Variants in BIRC3 observed in about 807,000 individuals in gnomAD.
BIRC3 encodes baculoviral IAP repeat containing 3, also known as baculoviral IAP repeat-containing protein 3.
A neutral mutation model predicts 59.0 loss-of-function variants in BIRC3; 26 were observed. The observed-to-expected ratio is 0.44, with a 90% CI of 0.32 to 0.61. BIRC3 has a LOEUF of 0.61. Ranked by LOEUF, BIRC3 falls within the 20% of genes least tolerant of loss-of-function variation. The probability of loss-of-function intolerance (pLI) is 0.04; values close to 1 mark genes in which losing one functional copy is unlikely to be tolerated. For synonymous variants in BIRC3, 243 were observed against 249.2 expected, an observed-to-expected ratio of 0.98 and a Z score of 0.24; for missense variants, 641 against 711.5, an observed-to-expected ratio of 0.90 and a Z score of 1.13.
chr11:102,328,011 G>A lies in BIRC3; in HGVS notation c.954-41G>A, dbSNP rs372819301. On this transcript the variant is annotated intron_variant, in intron 3 of 8. Transcript: ENST00000263464. Reference sequence around the variant, plus strand: ...ATGTTATTACATTTTCATTTCACTTGTATAAATAATCCCTCAAATTTTATT... The same window carrying A: ...ATGTTATTACATTTTCATTTCACTTATATAAATAATCCCTCAAATTTTATT... The A allele has an allele frequency of 6.1e-6, 9 of 1,467,352 alleles. No homozygotes were observed. The South Asian group carries it at 8.3e-5, about 14-fold the overall frequency. 90.9% of individuals were successfully genotyped at this position (1,467,352 alleles called of 1,614,324 possible).
chr11:102,331,182 A>G lies in BIRC3; in HGVS notation c.1265A>G (p.Asn422Ser), dbSNP rs369562282. Reference sequence around the variant, plus strand: ...AATGATCTTGTGTTAGACTTACTCAATGCAGAAGATGAAATAAGGGAAGAG... The same window carrying G: ...AATGATCTTGTGTTAGACTTACTCAGTGCAGAAGATGAAATAAGGGAAGAG... ...LVNDLVLDLL[N>S]AEDEIREEER... The change falls in exon 6 of 9, where the codon AAT becomes AGT. Residue 422 changes from asparagine (N) to serine (S), a missense_variant. Physicochemically the swap from Asn to Ser is conservative, Grantham distance 46 (BLOSUM62 1). This residue lies in a region of BIRC3 where 268 missense variants were observed against 255.7 expected (regional missense o/e 1.05). Coordinates refer to ENST00000263464, the MANE Select transcript of BIRC3 (RefSeq NM_001165.5). The G allele has an allele frequency of 1.4e-5, 22 of 1,613,546 alleles. No homozygotes were observed. In the African/African-American group the frequency reaches 2.9e-4, roughly 22 times the overall value.
intron 1 of BIRC3, among the ~76,000 whole-genome samples, chr11:102,319,438 G>C (rs1951009209): frequency 6.6e-6 from 1 of 152,162 alleles, no homozygotes; most frequent in South Asian, 2.1e-4. Context: ...AGAGTGACAG[G>C]AATGAGAGTT....
At chr11:102,327,329 C>A (rs534093451) in intron 3 of BIRC3, among the ~76,000 whole-genome samples, 12 of 152,050 alleles carry the variant, frequency 7.9e-5, no homozygotes, top group African/African-American at 1.4e-4. Flanking sequence ...TTAAGATAAA[C>A]CTTTAGAACT....
chr11:102,325,588 T>C, intron 3 of BIRC3, 23 bp downstream of exon 3: 1 of 1,601,936 alleles, frequency 6.2e-7, no homozygotes, highest in Admixed American at 1.7e-5. Flanking sequence ...AAATTCTCTT[T>C]GCAAATTCTT....
intron 4 of BIRC3, 41 bp downstream of exon 4, chr11:102,328,171 G>T: frequency 6.7e-7 from 1 of 1,488,914 alleles, no homozygotes; most frequent in Non-Finnish European, 9.3e-7. Flanking sequence ...TGCCATCAGA[G>T]AAATTGCTTT....
chr11:102,335,849 C>A, intron 6 of BIRC3, 117 bp from the exon 7 acceptor site: 2 of 1,051,702 alleles, frequency 1.9e-6, no homozygotes, highest in Non-Finnish European at 2.7e-6. Context: ...CAATCAACAT[C>A]AATGCCTTAC....
chr11:102,337,407 C>A lies in BIRC3; in HGVS notation c.*305C>A. ...GTAAAACTTAAGATATTTGAGTTAA[C>A]CTTTAAGAATTTTAAATATTTTGGC... On this transcript the variant is annotated 3_prime_UTR_variant, in exon 9 of 9. Coordinates refer to ENST00000263464, the MANE Select transcript of BIRC3 (RefSeq NM_001165.5). 2.5e-6 allele frequency: 1 copy of A among 403,688 alleles called. No individual in the cohort carries two copies. The highest frequency in any genetic ancestry group is 4.3e-6 in the Non-Finnish European group (1 of 230,134). 25.0% of individuals were successfully genotyped at this position (403,688 alleles called of 1,614,324 possible).
intron 1 of BIRC3, among the ~76,000 whole-genome samples, chr11:102,318,088 C>A (rs1950990691): frequency 6.6e-6 from 1 of 152,234 alleles, no homozygotes; most frequent in African/African-American, 2.4e-5. Context: ...GTACCTGATG[C>A]TAACGTAACA....
At position 102,325,556 on chromosome 11, in the gene BIRC3, G is replaced by T. The variant is rs1416796624; in HGVS notation, c.944G>T (p.Trp315Leu). 6.2e-7 allele frequency: 1 copy of T among 1,610,622 alleles called. No homozygotes were observed. The highest frequency in any genetic ancestry group is 8.5e-7 in the Non-Finnish European group (1 of 1,178,384). ...GDDPWVQHAKWFPRCEYLIRI... is the reference protein window; with the variant it reads ...GDDPWVQHAKLFPRCEYLIRI... Reference sequence around the variant, plus strand: ...GATCCATGGGTTCAACATGCCAAGTGGTTTCCAAGGTAATTGTTTTGAAAT... The same window carrying T: ...GATCCATGGGTTCAACATGCCAAGTTGTTTCCAAGGTAATTGTTTTGAAAT... The change falls in exon 3 of 9, where the codon TGG (tryptophan) becomes TTG (leucine). Residue 315 changes from tryptophan to leucine, a missense_variant. Physicochemically the swap from Trp to Leu is moderately conservative, Grantham distance 61. Around this residue, in one of 4 missense-constraint regions of BIRC3, gnomAD observed 3 missense variants for 16.9 expected, o/e 0.18. Coordinates refer to ENST00000263464, the MANE Select transcript of BIRC3 (RefSeq NM_001165.5).
At chr11:102,321,331 A>G (rs1951028668) in intron 1 of BIRC3, among the ~76,000 whole-genome samples, 2 of 152,122 alleles carry the variant, frequency 1.3e-5, no homozygotes, top group South Asian at 4.1e-4. Context: ...TATGTCTTCC[A>G]GTTTGAAACC....
At chr11:102,333,319 T>G (rs892020144) in intron 6 of BIRC3, among the ~76,000 whole-genome samples, 53 of 152,124 alleles carry the variant, frequency 3.5e-4, no homozygotes, top group African/African-American at 1.2e-3. Context: ...TCACAGCACT[T>G]TGGGAGGCTG....
At chr11:102,318,129 T>G (rs1950991834) in intron 1 of BIRC3, among the ~76,000 whole-genome samples, 1 of 152,352 alleles carries the variant, frequency 6.6e-6, no homozygotes, top group African/African-American at 2.4e-5. Context: ...TATTTGCTAT[T>G]ATTTATTGCT....
At position 102,322,328 on chromosome 11, in the gene BIRC3, A is replaced by G. The variant is rs1951038739; in HGVS notation, c.-2182A>G. The G allele has an allele frequency of 4.8e-6, 1 of 207,062 alleles. No individual in the cohort carries two copies. The highest frequency in any genetic ancestry group is 9.9e-6 in the Non-Finnish European group (1 of 101,456). The allele number at this position is 207,062 out of a possible 1,614,324, so 12.8% of individuals were successfully genotyped here. A position where few individuals can be genotyped will look rare whatever the true frequency, so the allele number is the denominator to read the frequency against. ...CATTAAAATACTTCTACAGTGACAAAGAAAAATCAAGAACAAAGCTTTTTG... is the reference window on the plus strand; with the variant it reads ...CATTAAAATACTTCTACAGTGACAAGGAAAAATCAAGAACAAAGCTTTTTG... On this transcript the variant is annotated 5_prime_UTR_variant, in exon 2 of 9. Coordinates refer to ENST00000263464, the MANE Select transcript of BIRC3 (RefSeq NM_001165.5).
rs1490909219 is a variant in BIRC3, at chr11:102,323,438, T to C, written c.-1072T>C. The C allele has an allele frequency of 2.7e-5, 5 of 188,510 alleles. No homozygotes were observed. In the East Asian group the frequency reaches 4.3e-4, roughly 16 times the overall value. 11.7% of individuals were successfully genotyped at this position (188,510 alleles called of 1,614,324 possible). A position where few individuals can be genotyped will look rare whatever the true frequency, so the allele number is the denominator to read the frequency against. On this transcript the variant is annotated 5_prime_UTR_variant, in exon 2 of 9. Coordinates refer to ENST00000263464, the MANE Select transcript of BIRC3 (RefSeq NM_001165.5). ...GTTCTAGCCAAGTATACTATTAGAA[T>C]AAAAAAACTTAACATTGAGTTGCTT...
At chr11:102,330,554 T>C (rs963083713) in intron 5 of BIRC3, among the ~76,000 whole-genome samples, 1 of 152,230 alleles carries the variant, frequency 6.6e-6, no homozygotes, top group Admixed American at 6.5e-5. Flanking sequence ...CATATTTGTG[T>C]TTTTAAAAAG....
At chr11:102,336,313 T>C (rs549596072) in intron 7 of BIRC3, 93 bp downstream of exon 7, 8 of 1,352,026 alleles carry the variant, frequency 5.9e-6, no homozygotes, top group Non-Finnish European at 7.9e-6. Flanking sequence ...TAATTCAGGC[T>C]GAATGTGGTG....
intron 1 of BIRC3, 94 bp from the exon 2 acceptor site, chr11:102,321,743 C>G (rs1166843035): frequency 5.9e-6 from 1 of 168,656 alleles, no homozygotes; most frequent in Admixed American, 6.4e-5. Flanking sequence ...TACTAGTACT[C>G]TATTTTGGAG....
At chr11:102,318,250 C>T (rs1950994214) in intron 1 of BIRC3, among the ~76,000 whole-genome samples, 2 of 152,170 alleles carry the variant, frequency 1.3e-5, no homozygotes, top group Admixed American at 1.3e-4. Context: ...TAATTATCTC[C>T]ATTTGACAAT....
At chr11:102,335,615 T>C (rs1192698171) in intron 6 of BIRC3, among the ~76,000 whole-genome samples, 3 of 152,158 alleles carry the variant, frequency 2.0e-5, no homozygotes, top group African/African-American at 7.2e-5. Context: ...GCTCACTAAA[T>C]GTTAGTCCTT....
Sources: allele counts gnomAD v4.1 joint callset (sites outside exome capture counted in the v4.1 genomes callset), GRCh38; gene constraint gnomAD v4.1.1; regional missense constraint gnomAD v4.1.1; transcripts MANE v1.5; gene names NCBI Gene and HGNC (gene_info 2026-07-23, HGNC 2026-07-21).